The following KIF26B variants were observed in gnomAD, a reference collection of about 807,000 sequenced individuals.
KIF26B encodes the protein kinesin family member 26B, also known as kinesin-like protein KIF26B.
KIF26B carries 63 observed loss-of-function variants against 151.2 expected under a neutral mutation model. That is an observed-to-expected ratio of 0.42 (90% CI 0.34 to 0.51). The LOEUF (loss-of-function observed/expected upper bound fraction) is 0.51. KIF26B is among the 20% of genes least tolerant of loss of function. The pLI is 0.07. For synonymous variants in KIF26B, 1,357 were observed against 1,262.1 expected (o/e 1.08, Z -1.59); for missense variants, 2,813 against 2,913.6 (o/e 0.97, Z 0.79).
At chr1:245,222,041 C>T (rs771547722) in intron 2 of KIF26B, among the ~76,000 whole-genome samples, 1 of 152,206 alleles carries the variant, frequency 6.6e-6, no homozygotes, top group Non-Finnish European at 1.5e-5. Context: ...AAGAGTGCAA[C>T]TCTAGAGTAC....
At chr1:245,378,447 A>G (rs1224566259) in intron 3 of KIF26B, among the ~76,000 whole-genome samples, 2 of 152,134 alleles carry the variant, frequency 1.3e-5, no homozygotes. Flanking sequence ...ATCCCTGCAC[A>G]GGGGGTGAAA....
chr1:245,292,731 G>A lies in KIF26B; in HGVS notation c.466-74103G>A, dbSNP rs527609102. Among the ~76,000 whole-genome samples, 7 of 152,294 alleles carry A rather than the reference G, an allele frequency of 4.6e-5. No individual in the cohort carries two copies. The South Asian group carries it at 1.0e-3, about 23-fold the overall frequency. On this transcript the variant is annotated intron_variant, in intron 2 of 14. Transcript: ENST00000407071. ...AACTTCACTGAATGATTCTGGAAGT[G>A]GCTGGCAGATCACTGTCAGTGGAGT...
intron 9 of KIF26B, among the ~76,000 whole-genome samples, chr1:245,616,251 CCT>C (rs2043589507): frequency 6.6e-6 from 1 of 152,190 alleles, no homozygotes. Context: ...AAAATATCTC[CCT>C]GTTTAAAAGC....
chr1:245,407,367 T>A lies in KIF26B; in HGVS notation c.1000-12212T>A, dbSNP rs74637347. On this transcript the variant is annotated intron_variant, in intron 3 of 14. Coordinates refer to ENST00000407071, the MANE Select transcript of KIF26B (RefSeq NM_018012.4). The stretch of plus-strand genomic sequence containing the variant: ...TGGCTGTCGCATCTCACACTCAAAC[T>A]GACTGAGATGAACAATTACTGGTTT... Among the ~76,000 whole-genome samples the A allele has an allele frequency of 3.3e-4, 51 of 152,316 alleles. No homozygotes were observed. The East Asian group carries it at 8.5e-3, about 25-fold the overall frequency.
chr1:245,686,655 G>C lies in KIF26B; in HGVS notation c.3672G>C (p.Ser1224=). 6.2e-7 allele frequency: 1 copy of C among 1,611,120 alleles called. No individual in the cohort carries two copies. Among genetic ancestry groups the C allele is most frequent in the Non-Finnish European group, 8.5e-7 (1 of 1,178,942 alleles). The change falls in exon 12 of 15, where the codon TCG becomes TCC. Residue 1224 remains serine, a synonymous_variant. Transcript: ENST00000407071. This position sits in a 1 kb window ranked among gnomAD's most constrained non-coding sequence, Gnocchi z 5.6. The stretch of plus-strand genomic sequence containing the variant: ...ACTGCTCTGCACGGGCCCTGGCCTC[G>C]GGCTCGCGGCCCGTCAGCATCATCA... ...NSDCSARALA[S]GSRPVSIISS...
chr1:245,444,053 T>C (rs1416882883), intron 4 of KIF26B, among the ~76,000 whole-genome samples: 9 of 135,494 alleles, frequency 6.6e-5, no homozygotes, highest in Admixed American at 1.4e-4. Context: ...TCTCCCTCAC[T>C]GTTCACCCTG....
chr1:245,210,768 G>A lies in KIF26B; in HGVS notation c.465+54085G>A, dbSNP rs570303072. Among the ~76,000 whole-genome samples, 41 of 152,162 alleles carry A rather than the reference G, an allele frequency of 2.7e-4. No individual in the cohort carries two copies. In the South Asian group the frequency reaches 7.5e-3, roughly 28 times the overall value. On this transcript the variant is annotated intron_variant, in intron 2 of 14. Coordinates refer to ENST00000407071, the MANE Select transcript of KIF26B (RefSeq NM_018012.4). ...GGAGATCAGCCAGTTCCAAGTGCAG[G>A]GACCAAGGACATTCCCAAGCCCGTC...
At chr1:245,359,878 T>TTTC (rs1672779811) in intron 2 of KIF26B, among the ~76,000 whole-genome samples, 1 of 144,148 alleles carries the variant, frequency 6.9e-6, no homozygotes, top group African/African-American at 2.8e-5. Flanking sequence ...TTCTTTCTTT[T>TTTC]TTTTTTTTTT....
intron 2 of KIF26B, among the ~76,000 whole-genome samples, chr1:245,185,533 A>G (rs546903389): frequency 1.4e-3 from 206 of 152,334 alleles, no homozygotes; most frequent in African/African-American, 4.7e-3. Flanking sequence ...CCCAAAAGTC[A>G]GCTTTGTGTC....
intron 6 of KIF26B, among the ~76,000 whole-genome samples, chr1:245,603,878 T>A (rs56319751): frequency 0.045 from 6,921 of 152,238 alleles, 523 homozygotes; most frequent in African/African-American, 0.16. Flanking sequence ...TTTTTATTAA[T>A]CTACTATGAG....
intron 2 of KIF26B, among the ~76,000 whole-genome samples, chr1:245,176,964 G>T (rs1668819380): frequency 6.6e-6 from 1 of 152,132 alleles, no homozygotes; most frequent in South Asian, 2.1e-4. Context: ...AATTAATTAA[G>T]TAGTTTCTAG....
intron 10 of KIF26B, among the ~76,000 whole-genome samples, chr1:245,662,637 T>C (rs796678384): frequency 4.4e-5 from 3 of 67,638 alleles, no homozygotes; most frequent in South Asian, 5.6e-4. Flanking sequence ...CAGTGATATA[T>C]ACACACACAC....
intron 9 of KIF26B, among the ~76,000 whole-genome samples, chr1:245,627,457 A>G (rs566928498): frequency 1.3e-5 from 2 of 152,272 alleles, no homozygotes; most frequent in South Asian, 4.1e-4. Flanking sequence ...AAGACGATGT[A>G]CCAGAAGCTC....
intron 10 of KIF26B, among the ~76,000 whole-genome samples, chr1:245,648,662 T>A (rs1050858890): frequency 3.3e-5 from 5 of 152,064 alleles, no homozygotes; most frequent in Non-Finnish European, 7.4e-5. Context: ...AAAGTTTGTA[T>A]TAATCGTTCA....
chr1:245,438,038 A>T (rs1272503570), intron 4 of KIF26B, among the ~76,000 whole-genome samples: 7 of 152,298 alleles, frequency 4.6e-5, no homozygotes, highest in Middle Eastern at 3.4e-3. Flanking sequence ...TTTAAAACAA[A>T]TCTAACAGCA....
At chr1:245,303,312 C>T (rs1388936120) in intron 2 of KIF26B, among the ~76,000 whole-genome samples, 2 of 149,978 alleles carry the variant, frequency 1.3e-5, no homozygotes, top group Non-Finnish European at 1.5e-5. Context: ...CATTCTCCTG[C>T]CTCAGCCTCC....
At chr1:245,603,501 T>C (rs2043418375) in intron 6 of KIF26B, among the ~76,000 whole-genome samples, 1 of 152,192 alleles carries the variant, frequency 6.6e-6, no homozygotes, top group South Asian at 2.1e-4. Context: ...GGCAGCTCTG[T>C]GGATCTTGGC....
chr1:245,332,599 C>T (rs1672134911), intron 2 of KIF26B, among the ~76,000 whole-genome samples: 5 of 152,166 alleles, frequency 3.3e-5, no homozygotes. Context: ...ACCACTTACT[C>T]CCACCCCCAC....
chr1:245,620,988 C>CA (rs1558239997), intron 9 of KIF26B, among the ~76,000 whole-genome samples: 2 of 152,102 alleles, frequency 1.3e-5, no homozygotes, highest in African/African-American at 4.8e-5. Context: ...ATGCAGGTGA[C>CA]CCAGAGCATT....
Sources: allele counts gnomAD v4.1 joint callset (sites outside exome capture counted in the v4.1 genomes callset), GRCh38; gene constraint gnomAD v4.1.1; non-coding constraint Gnocchi (gnomAD v3.1); transcripts MANE v1.5; gene names NCBI Gene and HGNC (gene_info 2026-07-23, HGNC 2026-07-21).